The following SLC4A5 variants were observed in gnomAD, a reference collection of about 807,000 sequenced individuals.
SLC4A5 encodes the protein solute carrier family 4 member 5.
In SLC4A5, 96 loss-of-function variants were observed where a neutral mutation model predicts 120.4. That is an observed-to-expected ratio of 0.80 (90% CI 0.68 to 0.94). The LOEUF (loss-of-function observed/expected upper bound fraction) is 0.94. SLC4A5 is among the 40% of genes least tolerant of loss of function. The probability of loss-of-function intolerance (pLI) is 0.00; values close to 1 mark genes in which losing one functional copy is unlikely to be tolerated. For synonymous variants in SLC4A5, 550 were observed against 571.1 expected (o/e 0.96, Z 0.53); for missense variants, 1,259 against 1,459.5 (o/e 0.86, Z 2.24).
intron 23 of SLC4A5, 122 bp from the exon 24 acceptor site, chr2:74,232,769 A>G: frequency 8.0e-7 from 1 of 1,247,966 alleles, no homozygotes; most frequent in South Asian, 1.4e-5. Context: ...AAGGGGCCTG[A>G]GGTGCTCCTT....
intron 17 of SLC4A5, among the ~76,000 whole-genome samples, chr2:74,249,854 A>T (rs1163331955): frequency 6.6e-6 from 1 of 152,178 alleles, no homozygotes; most frequent in Non-Finnish European, 1.5e-5. Context: ...TCCATTGGAG[A>T]AGACCCTTGC....
Position 74,221,423 on chromosome 2 carries a change from A to C in SLC4A5, c.*33+11T>G, listed in dbSNP as rs771578208. On this transcript the variant is annotated intron_variant, in intron 30 of 30. Transcript: ENST00000394019. Reference sequence around the variant, plus strand: ...ACCTAATACGCAAGGAGTCTACCTAACAGTGTTTACCTTCGGTCAAGTTCT... The same window carrying C: ...ACCTAATACGCAAGGAGTCTACCTACCAGTGTTTACCTTCGGTCAAGTTCT... 8.1e-6 allele frequency: 13 copies of C among 1,598,072 alleles called. No homozygotes were observed. The South Asian group carries it at 1.3e-4, about 16-fold the overall frequency.
At chr2:74,254,696 T>C (rs752102339) in exon 14 of SLC4A5, 3 of 1,613,138 alleles carry the variant, frequency 1.9e-6, no homozygotes, top group South Asian at 2.2e-5. Flanking sequence ...CCCAGTAGTA[T>C]AAACAGAAAT....
chr2:74,315,712 C>G (rs983819562), intron 5 of SLC4A5, among the ~76,000 whole-genome samples: 1 of 151,630 alleles, frequency 6.6e-6, no homozygotes, highest in African/African-American at 2.4e-5. Flanking sequence ...GAGAATCATA[C>G]AAGCCCAGAA....
chr2:74,270,176 C>T (rs1286398680), intron 8 of SLC4A5, among the ~76,000 whole-genome samples: 1 of 152,206 alleles, frequency 6.6e-6, no homozygotes, highest in African/African-American at 2.4e-5. Context: ...GCTCTAGTCC[C>T]CTCTATAACT....
exon 7 of SLC4A5, chr2:74,304,538 C>T (rs777425903): frequency 1.9e-6 from 3 of 1,614,164 alleles, no homozygotes; most frequent in South Asian, 1.1e-5. Context: ...TTGCCCCACT[C>T]CCTGGGCCAG....
chr2:74,290,569 C>T, intron 7 of SLC4A5: 4 of 982,766 alleles, frequency 4.1e-6, no homozygotes, highest in Non-Finnish European at 4.8e-6. Flanking sequence ...AAAAGCTACA[C>T]TGAGTTAATT....
chr2:74,247,044 G>C (rs774943369), exon 19 of SLC4A5: 1 of 1,613,794 alleles, frequency 6.2e-7, no homozygotes, highest in Admixed American at 1.7e-5. Context: ...ACCTGTGTCA[G>C]GGGCGACACA....
intron 30 of SLC4A5, among the ~76,000 whole-genome samples, chr2:74,219,197 GT>G (rs1694540513): frequency 8.1e-6 from 1 of 123,902 alleles, no homozygotes; most frequent in Admixed American, 7.8e-5. Context: ...GTGTGTGTGT[GT>G]GTGTGTGTGT....
Position 74,227,136 on chromosome 2 carries a change from G to A in SLC4A5, c.2917-6C>T, listed in dbSNP as rs758415424. On this transcript the variant is annotated splice_polypyrimidine_tract_variant and splice_region_variant and intron_variant, in intron 26 of 30. Coordinates refer to ENST00000394019, the Ensembl canonical transcript of SLC4A5. The stretch of plus-strand genomic sequence containing the variant: ...AGCTTGCAGCGTTCCCAGAACTAGG[G>A]GGACAGCGGGGGCTCAGCCAGGCAG... The A allele has an allele frequency of 1.2e-6, 2 of 1,601,848 alleles. No individual in the cohort carries two copies. Among genetic ancestry groups the A allele is most frequent in the Admixed American group, 1.7e-5 (1 of 57,530 alleles).
At position 74,239,535 on chromosome 2, in the gene SLC4A5, A is replaced by T. The variant is rs767097265; in HGVS notation, c.2119T>A (p.Tyr707Asn). The change falls in exon 21 of 31, where the codon TAC becomes AAC. Residue 707 changes from tyrosine to asparagine, a missense_variant and splice_region_variant. By Grantham distance (143) the Tyr-to-Asn change is moderately radical (BLOSUM62 -2). Coordinates refer to ENST00000394019, the Ensembl canonical transcript of SLC4A5. Reference sequence around the variant, plus strand: ...AACGCTGTGAGGTTAAGGAGGTTGTACTTGGAGACCAAGCACAGGAGAGAA... The same window carrying T: ...AACGCTGTGAGGTTAAGGAGGTTGTTCTTGGAGACCAAGCACAGGAGAGAA... 33 of 1,613,844 alleles carry T rather than the reference A, an allele frequency of 2.0e-5. No homozygotes were observed. The East Asian group carries it at 7.4e-4, about 36-fold the overall frequency.
intron 6 of SLC4A5, among the ~76,000 whole-genome samples, chr2:74,313,214 A>G (rs1376865274): frequency 1.3e-5 from 2 of 151,984 alleles, no homozygotes; most frequent in Non-Finnish European, 2.9e-5. Flanking sequence ...AGCACTTTAT[A>G]TGATTCTGTT....
intron 8 of SLC4A5, among the ~76,000 whole-genome samples, chr2:74,276,760 C>T (rs1041074284): frequency 2.7e-5 from 4 of 149,624 alleles, no homozygotes; most frequent in Admixed American, 6.6e-5. Context: ...CGAGTCCTCC[C>T]CATACCTCCT....
At chr2:74,269,378 TTTTG>T (rs60475335) in intron 8 of SLC4A5, among the ~76,000 whole-genome samples, 3,335 of 150,956 alleles carry the variant, frequency 0.022, 92 homozygotes, top group African/African-American at 0.065. Context: ...GCTGTTTGTT[TTTTG>T]TTTGTTTGTT....
chr2:74,341,024 G>A (rs1558921868), intron 2 of SLC4A5, among the ~76,000 whole-genome samples: 1 of 152,212 alleles, frequency 6.6e-6, no homozygotes, highest in South Asian at 2.1e-4. Context: ...TGTAAAAGAG[G>A]CTGGGTGCAG....
chr2:74,261,766 G>A (rs184135625), intron 11 of SLC4A5, among the ~76,000 whole-genome samples: 1 of 152,186 alleles, frequency 6.6e-6, no homozygotes, highest in Non-Finnish European at 1.5e-5. Flanking sequence ...TGAACTGAAG[G>A]AAAGGACCTT....
intron 19 of SLC4A5, among the ~76,000 whole-genome samples, chr2:74,242,408 T>C (rs1045579835): frequency 2.0e-5 from 3 of 152,258 alleles, no homozygotes; most frequent in African/African-American, 7.2e-5. Context: ...GACTTAAAAA[T>C]GTTCAAAGAA....
chr2:74,282,595 C>A (rs1242485503), intron 8 of SLC4A5, among the ~76,000 whole-genome samples: 1 of 152,228 alleles, frequency 6.6e-6, no homozygotes, highest in African/African-American at 2.4e-5. Flanking sequence ...TCCTCATCTA[C>A]AGTTTCTTGG....
chr2:74,222,041 A>G (rs1010467669), intron 29 of SLC4A5, among the ~76,000 whole-genome samples: 11 of 152,184 alleles, frequency 7.2e-5, no homozygotes, highest in Non-Finnish European at 1.3e-4. Context: ...CCTCCCTCTC[A>G]GCTGTCTGCT....
Sources: gnomAD v4.1 joint callset for allele counts (sites outside exome capture counted in the v4.1 genomes callset) on GRCh38, gnomAD v4.1.1 for gene constraint, MANE v1.5 for transcripts, NCBI Gene and HGNC (gene_info 2026-07-23, HGNC 2026-07-21) for gene names.